The following FEZ1 variants were observed in gnomAD, a reference collection of about 807,000 sequenced individuals.
The protein encoded by FEZ1 is fasciculation and elongation protein zeta 1.
A neutral mutation model predicts 49.3 loss-of-function variants in FEZ1; 20 were observed. The observed-to-expected ratio is 0.41, with a 90% CI of 0.29 to 0.59. The LOEUF (loss-of-function observed/expected upper bound fraction) is 0.59, where lower values mean the gene tolerates loss of function less well. Ranked by LOEUF, FEZ1 falls within the 20% of genes least tolerant of loss-of-function variation. The pLI, the probability that FEZ1 is intolerant of heterozygous loss-of-function variation, is 0.36. For missense variants in FEZ1, 413 were observed against 476.0 expected (o/e 0.87, Z 1.23); for synonymous variants, 170 against 180.9 (o/e 0.94, Z 0.48).
chr11:125,456,960 G>A (rs1957016495), intron 5 of FEZ1, among the ~76,000 whole-genome samples: 1 of 152,050 alleles, frequency 6.6e-6, no homozygotes, highest in African/African-American at 2.4e-5. Flanking sequence ...GCGATGTGCG[G>A]ATCACCTGAG....
rs369918293 is a variant in FEZ1, at chr11:125,455,278, C to A, written c.939+557G>T. ...TGGTGGCATGAACCTGTAATCCCAGCTACTAGGGAGGCTGAGACAGGAGAA... is the reference window on the plus strand; with the variant it reads ...TGGTGGCATGAACCTGTAATCCCAGATACTAGGGAGGCTGAGACAGGAGAA... On this transcript the variant is annotated intron_variant, in intron 6 of 9. Transcript: ENST00000278919. Among the ~76,000 whole-genome samples the A allele has an allele frequency of 3.9e-4, 60 of 152,066 alleles. No homozygotes were observed. In the South Asian group the frequency reaches 7.3e-3, roughly 19 times the overall value.
At chr11:125,493,364 AAG>A (rs1565306686) in intron 1 of FEZ1, among the ~76,000 whole-genome samples, 219 of 23,352 alleles carry the variant, frequency 9.4e-3, no homozygotes, top group Middle Eastern at 0.043. Context: ...AAAGAGAGAA[AAG>A]AAAGAAAGAA....
At chr11:125,493,406 GAAA>G (rs1957409334) in intron 1 of FEZ1, among the ~76,000 whole-genome samples, 6 of 71,686 alleles carry the variant, frequency 8.4e-5, no homozygotes, top group East Asian at 3.6e-4. Flanking sequence ...AAGAAAGAAA[GAAA>G]GAAAGAAAGA....
Position 125,457,449 on chromosome 11 carries a change from TATGTATATATACAC to T in FEZ1, c.668-1357_668-1344del, listed in dbSNP as rs1565533505. Reference sequence around the variant, plus strand: ...AAAAAAATATATATATATATATATATATGTATATATACACATATATATGTATATATACACATATA... The same window carrying T: ...AAAAAAATATATATATATATATATATATATATATGTATATATACACATATA... On this transcript the variant is annotated intron_variant, in intron 5 of 9. Coordinates refer to ENST00000278919, the MANE Select transcript of FEZ1 (RefSeq NM_005103.5). Among the ~76,000 whole-genome samples, 675 of 91,248 alleles carry T rather than the reference TATGTATATATACAC, an allele frequency of 7.4e-3. 13 individuals are homozygous for T. Among genetic ancestry groups the T allele is most frequent in the East Asian group, 0.019 (57 of 2,984 alleles). The allele number at this position is 91,248 out of a possible 152,430, so 59.9% of individuals were successfully genotyped here. A position where few individuals can be genotyped will look rare whatever the true frequency, so the allele number is the denominator to read the frequency against.
intron 1 of FEZ1, among the ~76,000 whole-genome samples, chr11:125,493,423 A>AAAGG: frequency 2.7e-5 from 1 of 36,670 alleles, no homozygotes; most frequent in South Asian, 1.0e-3. Context: ...AGAAAGAAAG[A>AAAGG]AGGAAAGAAG....
intron 6 of FEZ1, chr11:125,454,484 T>A (rs1222025260): frequency 3.2e-6 from 1 of 314,960 alleles, no homozygotes; most frequent in Non-Finnish European, 5.7e-6. Flanking sequence ...TCCTCCATCA[T>A]GCAAATAGAA....
At chr11:125,475,784 C>G (rs1317085931) in intron 3 of FEZ1, among the ~76,000 whole-genome samples, 2 of 151,982 alleles carry the variant, frequency 1.3e-5, no homozygotes, top group African/African-American at 4.8e-5. Flanking sequence ...ATGACTCAGC[C>G]ATTCCACACA....
In FEZ1 at chr11:125,467,036, ATT is replaced by A. The variant is rs11323641; in HGVS notation, c.412-3468_412-3467del. On this transcript the variant is annotated intron_variant, in intron 3 of 9. Transcript: ENST00000278919. ...AAGAAATTCACAACAACTGTGTCCCATTTTTTTTTTTTTTAGACACAGGATCT... is the reference window on the plus strand; with the variant it reads ...AAGAAATTCACAACAACTGTGTCCCATTTTTTTTTTTTAGACACAGGATCT... Among the ~76,000 whole-genome samples the A allele has an allele frequency of 1.8e-3, 261 of 144,132 alleles. 1 individual carries two copies. Among genetic ancestry groups the A allele is most frequent in the South Asian group, 0.013 (60 of 4,526 alleles). The allele number at this position is 144,132 out of a possible 152,430, so 94.6% of individuals were successfully genotyped here. A position where few individuals can be genotyped will look rare whatever the true frequency, so the allele number is the denominator to read the frequency against.
chr11:125,476,872 T>C (rs1957237938), intron 3 of FEZ1, among the ~76,000 whole-genome samples: 1 of 152,202 alleles, frequency 6.6e-6, no homozygotes, highest in African/African-American at 2.4e-5. Context: ...TTGGTTTTTT[T>C]CACCAAAACA....
At chr11:125,475,750 A>C (rs1326122063) in intron 3 of FEZ1, among the ~76,000 whole-genome samples, 1 of 152,210 alleles carries the variant, frequency 6.6e-6, no homozygotes, top group Non-Finnish European at 1.5e-5. Flanking sequence ...GCTAAAAAAA[A>C]AAAGTTGAAC....
rs965281215 is a variant in FEZ1, at chr11:125,495,411, C to A, written c.-46+710G>T. On this transcript the variant is annotated intron_variant, in intron 1 of 9. Transcript: ENST00000278919. The surrounding 1 kb of genome is among the most constrained non-coding windows in gnomAD (Gnocchi z 4.2). ...ACCTCCTCGACGCCGTCAAACACTG[C>A]TCCCCGCATTCCAGAGCCCGGGGCC... is the stretch of plus-strand genomic sequence containing the variant. The A allele has an allele frequency of 4.2e-6, 2 of 470,774 alleles. No homozygotes were observed. The highest frequency in any genetic ancestry group is 4.0e-5 in the African/African-American group (2 of 50,094). The allele number at this position is 470,774 out of a possible 1,614,324, so 29.2% of individuals were successfully genotyped here. A position where few individuals can be genotyped will look rare whatever the true frequency, so the allele number is the denominator to read the frequency against.
At chr11:125,453,261 G>A (rs1387941737) in intron 7 of FEZ1, 2 of 152,084 alleles carry the variant, frequency 1.3e-5, no homozygotes, top group African/African-American at 2.4e-5. Context: ...CCGGCCAGAA[G>A]CTCACATTTT....
At chr11:125,472,624 T>G (rs1957193415) in intron 3 of FEZ1, among the ~76,000 whole-genome samples, 1 of 152,094 alleles carries the variant, frequency 6.6e-6, no homozygotes, top group South Asian at 2.1e-4. Context: ...ACTAGTATAG[T>G]CTATCAAACA....
At chr11:125,488,030 C>A (rs536773410) in intron 2 of FEZ1, among the ~76,000 whole-genome samples, 1 of 151,064 alleles carries the variant, frequency 6.6e-6, no homozygotes, top group Non-Finnish European at 1.5e-5. Flanking sequence ...ACTTCCCTGA[C>A]GTTTGACATT....
chr11:125,460,623 G>C lies in FEZ1; in HGVS notation c.542C>G (p.Pro181Arg), dbSNP rs1405521624. 6.2e-7 allele frequency: 1 copy of C among 1,614,002 alleles called. No individual in the cohort carries two copies. Among genetic ancestry groups the C allele is most frequent in the East Asian group, 2.2e-5 (1 of 44,900 alleles). ...TTCCAGAACCTCCTCTTCTTCCTCA[G>C]GGTCTGGGGAGTTCTGCATCATTTC... ...IEEMMQNSPD[P>R]EEEEEVLEEE... The change falls in exon 5 of 10, where the codon CCT becomes CGT. Residue 181 changes from proline (P) to arginine (R), a missense_variant. Pro to Arg is a moderately radical substitution (Grantham distance 103, BLOSUM62 -2). Transcript: ENST00000278919.
chr11:125,474,359 G>C (rs940206329), intron 3 of FEZ1, among the ~76,000 whole-genome samples: 2 of 151,450 alleles, frequency 1.3e-5, no homozygotes, highest in South Asian at 4.2e-4. Flanking sequence ...TTTGAGAGGG[G>C]ATCTCACTAT....
rs760953624 is a variant in FEZ1, at chr11:125,460,710, G to A, written c.499-44C>T. 6 of 1,567,484 alleles carry A rather than the reference G, an allele frequency of 3.8e-6. No individual in the cohort carries two copies. In the African/African-American group the frequency reaches 8.1e-5, roughly 21 times the overall value. ...AGAGTGCTAACTCTGTTCTCTGCTA[G>A]AGGGGCATTCTGGCTTGAATTTTGA... On this transcript the variant is annotated intron_variant, in intron 4 of 9. Transcript: ENST00000278919.
At position 125,452,324 on chromosome 11, in the gene FEZ1, A is replaced by G; in HGVS notation, c.1096+10T>C. 1 of 1,581,828 alleles carries G rather than the reference A, an allele frequency of 6.3e-7. No homozygotes were observed. On this transcript the variant is annotated intron_variant, in intron 8 of 9. Transcript: ENST00000278919. ...AGCCACTGATCTGGCTGAGAACAAG[A>G]GGAACTCACTGTTTGTCAGCATCTG...
chr11:125,477,448 T>C (rs960758382), intron 3 of FEZ1, among the ~76,000 whole-genome samples: 6 of 151,972 alleles, frequency 3.9e-5, no homozygotes, highest in South Asian at 4.2e-4. Flanking sequence ...GATGTTGCAG[T>C]GAGCCGAGAT....
Sources: allele counts gnomAD v4.1 joint callset (sites outside exome capture counted in the v4.1 genomes callset), GRCh38; gene constraint gnomAD v4.1.1; non-coding constraint Gnocchi (gnomAD v3.1); transcripts MANE v1.5; gene names NCBI Gene and HGNC (gene_info 2026-07-23, HGNC 2026-07-21).